ANGPT1: variants seen among roughly 807,000 people sequenced by gnomAD.
ANGPT1 encodes the protein angiopoietin 1.
Under a neutral mutation model 62.2 loss-of-function variants are expected in ANGPT1, and 17 were observed. That is an observed-to-expected ratio of 0.27 (90% confidence interval 0.19 to 0.41). The LOEUF is 0.41. Among genes scored for constraint, ANGPT1 ranks in the 10% least tolerant of loss-of-function variants. The pLI is 1.00. For missense variants in ANGPT1, 478 were observed against 594.9 expected (o/e 0.80, Z 2.04); for synonymous variants, 199 against 198.9 (o/e 1.00, Z 0.00).
chr8:107,360,587 C>T (rs1816141648), intron 1 of ANGPT1, among the ~76,000 whole-genome samples: 1 of 152,084 alleles, frequency 6.6e-6, no homozygotes, highest in African/African-American at 2.4e-5. Flanking sequence ...GGTTTCAAGC[C>T]TTTAACAAGA....
intron 3 of ANGPT1, among the ~76,000 whole-genome samples, chr8:107,324,504 C>A (rs1815239873): frequency 6.6e-6 from 1 of 152,042 alleles, no homozygotes; most frequent in South Asian, 2.1e-4. Flanking sequence ...TTCCCTAGGG[C>A]CTTCGGAGAG....
chr8:107,251,557 G>C lies in ANGPT1; in HGVS notation c.*298C>G, dbSNP rs1386849654. On this transcript the variant is annotated 3_prime_UTR_variant, in exon 9 of 9. Coordinates refer to ENST00000517746, the MANE Select transcript of ANGPT1 (RefSeq NM_001146.5). ...TCTGGCTACCATAGTTCCAAAATAA[G>C]GTCCAGTAGTAGTTTGAAGCACAGC... The C allele has an allele frequency of 3.8e-6, 1 of 264,458 alleles. No homozygotes were observed. The highest frequency in any genetic ancestry group is 7.2e-6 in the Non-Finnish European group (1 of 139,008). 16.4% of individuals were successfully genotyped at this position (264,458 alleles called of 1,614,324 possible).
chr8:107,486,138 A>G (rs1405092884), intron 1 of ANGPT1, among the ~76,000 whole-genome samples: 1 of 152,240 alleles, frequency 6.6e-6, no homozygotes, highest in African/African-American at 2.4e-5. Context: ...GGGGCAACAC[A>G]TTTAGTATGA....
At chr8:107,313,341 AG>A (rs1191060803) in intron 4 of ANGPT1, among the ~76,000 whole-genome samples, 1 of 150,440 alleles carries the variant, frequency 6.6e-6, no homozygotes, top group African/African-American at 2.4e-5. Flanking sequence ...ATGAGATTCC[AG>A]TGTACTTAAA....
At chr8:107,375,112 A>G (rs1816503156) in intron 1 of ANGPT1, among the ~76,000 whole-genome samples, 1 of 152,150 alleles carries the variant, frequency 6.6e-6, no homozygotes, top group African/African-American at 2.4e-5. Context: ...GTGAGCCGAG[A>G]TCATGCCACT....
At chr8:107,353,914 T>G (rs866136270) in intron 1 of ANGPT1, among the ~76,000 whole-genome samples, 1 of 152,134 alleles carries the variant, frequency 6.6e-6, no homozygotes, top group East Asian at 1.9e-4. Context: ...ATACTGATAC[T>G]AATAATGTGA....
intron 1 of ANGPT1, among the ~76,000 whole-genome samples, chr8:107,359,492 AT>A: frequency 6.6e-6 from 1 of 152,326 alleles, no homozygotes; most frequent in South Asian, 2.1e-4. Flanking sequence ...AATTGATTCT[AT>A]AGTTATTCTC....
chr8:107,283,522 T>C (rs996872664), intron 7 of ANGPT1, among the ~76,000 whole-genome samples: 1 of 151,670 alleles, frequency 6.6e-6, no homozygotes, highest in Non-Finnish European at 1.5e-5. Context: ...ATTCAAACTT[T>C]TAAAAAATTA....
chr8:107,294,461 G>A (rs1814360885), intron 5 of ANGPT1: 2 of 153,140 alleles, frequency 1.3e-5, no homozygotes, highest in Admixed American at 6.5e-5. Flanking sequence ...TGAAATGGGA[G>A]TACAATAAGA....
At chr8:107,362,398 T>G (rs1356682279) in intron 1 of ANGPT1, among the ~76,000 whole-genome samples, 1 of 152,194 alleles carries the variant, frequency 6.6e-6, no homozygotes, top group African/African-American at 2.4e-5. Context: ...CATATTCTCA[T>G]AGAGAAGAAA....
At chr8:107,293,327 T>G (rs4077322) in intron 6 of ANGPT1, among the ~76,000 whole-genome samples, 92,070 of 151,850 alleles carry the variant, frequency 0.61, 28,850 homozygotes, top group African/African-American at 0.78. Flanking sequence ...GACTTTCCTT[T>G]TGACCAACCA....
chr8:107,338,440 G>A (rs563311563), intron 2 of ANGPT1, among the ~76,000 whole-genome samples: 37 of 152,308 alleles, frequency 2.4e-4, no homozygotes, highest in African/African-American at 7.2e-4. Flanking sequence ...TCCTAGCCCC[G>A]CAAGGGGTGG....
intron 1 of ANGPT1, among the ~76,000 whole-genome samples, chr8:107,366,194 C>G (rs1406324410): frequency 1.3e-5 from 2 of 152,176 alleles, no homozygotes; most frequent in African/African-American, 2.4e-5. Context: ...ATTTAGTCCT[C>G]AAACCAACCA....
chr8:107,276,666 C>T (rs942823555), intron 7 of ANGPT1, among the ~76,000 whole-genome samples: 7 of 151,868 alleles, frequency 4.6e-5, no homozygotes, highest in Admixed American at 4.6e-4. Flanking sequence ...GAAAGAACTT[C>T]AGCCTTACCT....
chr8:107,293,565 G>C (rs1250668619), intron 6 of ANGPT1, among the ~76,000 whole-genome samples: 1 of 152,086 alleles, frequency 6.6e-6, no homozygotes, highest in Non-Finnish European at 1.5e-5. Context: ...ATGTGGGTGA[G>C]GCCATTGCTA....
intron 1 of ANGPT1, among the ~76,000 whole-genome samples, chr8:107,413,489 C>T (rs1810646813): frequency 6.6e-6 from 1 of 151,450 alleles, no homozygotes; most frequent in South Asian, 2.1e-4. Context: ...AAAATTTAAC[C>T]AAAAAACCCT....
chr8:107,412,773 T>C (rs975094817), intron 1 of ANGPT1, among the ~76,000 whole-genome samples: 11 of 152,148 alleles, frequency 7.2e-5, no homozygotes, highest in Non-Finnish European at 1.5e-4. Context: ...ATGGAATTAT[T>C]ACCTCACTTT....
intron 4 of ANGPT1, among the ~76,000 whole-genome samples, chr8:107,321,327 T>A (rs1311426987): frequency 1.3e-5 from 2 of 152,132 alleles, no homozygotes; most frequent in African/African-American, 4.8e-5. Flanking sequence ...ATACCCTGAT[T>A]AAATCTATCC....
intron 1 of ANGPT1, among the ~76,000 whole-genome samples, chr8:107,411,208 G>A (rs1817261335): frequency 6.6e-6 from 1 of 152,142 alleles, no homozygotes; most frequent in Non-Finnish European, 1.5e-5. Context: ...TAAACTTATA[G>A]ATTTCAATCT....
Sources: allele counts gnomAD v4.1 joint callset (sites outside exome capture counted in the v4.1 genomes callset), GRCh38; gene constraint gnomAD v4.1.1; transcripts MANE v1.5; gene names NCBI Gene and HGNC (gene_info 2026-07-23, HGNC 2026-07-21).